The following RBM20 variants were observed in gnomAD, a reference collection of about 807,000 sequenced individuals.
The protein encoded by RBM20 is RNA-binding protein 20.
Under a neutral mutation model 110.1 loss-of-function variants are expected in RBM20, and 51 were observed. The observed-to-expected ratio is 0.46, with a 90% confidence interval of 0.37 to 0.59. The LOEUF (loss-of-function observed/expected upper bound fraction) is 0.59, where lower values mean the gene tolerates loss of function less well. RBM20 is among the 20% of genes least tolerant of loss of function. The pLI is 0.00. For synonymous variants in RBM20, 589 were observed against 618.2 expected (o/e 0.95, Z 0.70); for missense variants, 1,512 against 1,574.9 (o/e 0.96, Z 0.68).
intron 1 of RBM20, among the ~76,000 whole-genome samples, chr10:110,651,496 TAACA>T (rs1382142900): frequency 6.6e-6 from 1 of 152,236 alleles, no homozygotes; most frequent in Non-Finnish European, 1.5e-5. Flanking sequence ...ACATTTACTT[TAACA>T]AACTGAAAGT....
At chr10:110,802,296 C>G (rs896441033) in intron 7 of RBM20, among the ~76,000 whole-genome samples, 1 of 152,068 alleles carries the variant, frequency 6.6e-6, no homozygotes, top group African/African-American at 2.4e-5. Flanking sequence ...ACTGTGTCAA[C>G]CAGCTTCCAG....
chr10:110,682,525 T>C (rs762896411), intron 1 of RBM20, among the ~76,000 whole-genome samples: 2 of 152,218 alleles, frequency 1.3e-5, no homozygotes, highest in Non-Finnish European at 2.9e-5. Context: ...ACTTCATTTA[T>C]GGAAACGGGC....
In RBM20 at chr10:110,768,577, C is replaced by G. The variant is rs149814009; in HGVS notation, c.192-12224C>G. ...ATATACCATGTCCTTCACAAGGAAA[C>G]AGGGTATTCTGGTAAGATCTACATT... is the stretch of plus-strand genomic sequence containing the variant. On this transcript the variant is annotated intron_variant, in intron 1 of 13. Coordinates refer to ENST00000369519, the MANE Select transcript of RBM20 (RefSeq NM_001134363.3). 7.4e-3 allele frequency among the ~76,000 whole-genome samples: 1,119 copies of G among 152,224 alleles called. 7 individuals are homozygous for G. The highest frequency in any genetic ancestry group is 0.01 in the Middle Eastern group (3 of 294).
At chr10:110,653,328 C>T (rs1368341877) in intron 1 of RBM20, among the ~76,000 whole-genome samples, 1 of 152,124 alleles carries the variant, frequency 6.6e-6, no homozygotes, top group African/African-American at 2.4e-5. Flanking sequence ...AAAAGTAAAC[C>T]TTGCTTTGCG....
chr10:110,701,232 T>TA (rs1473449382), intron 1 of RBM20, among the ~76,000 whole-genome samples: 1 of 152,162 alleles, frequency 6.6e-6, no homozygotes, highest in African/African-American at 2.4e-5. Context: ...TTCTCAAAAT[T>TA]ACAGATTGTG....
intron 1 of RBM20, among the ~76,000 whole-genome samples, chr10:110,767,464 C>A (rs77965032): frequency 6.9e-6 from 1 of 144,112 alleles, no homozygotes; most frequent in African/African-American, 2.6e-5. Flanking sequence ...GGGTGGCTGC[C>A]GGGCGGAGGG....
intron 1 of RBM20, among the ~76,000 whole-genome samples, chr10:110,650,891 G>A (rs1326005760): frequency 3.3e-5 from 5 of 152,054 alleles, no homozygotes; most frequent in South Asian, 2.1e-4. Context: ...CTCCTCCTTT[G>A]GTTTATTTTG....
intron 1 of RBM20, among the ~76,000 whole-genome samples, chr10:110,669,304 AG>A (rs1862226640): frequency 6.6e-6 from 1 of 151,474 alleles, no homozygotes; most frequent in Non-Finnish European, 1.5e-5. Context: ...GTGGCGGGGT[AG>A]GGGGGACAGG....
At chr10:110,775,366 G>C (rs985990809) in intron 1 of RBM20, among the ~76,000 whole-genome samples, 1 of 152,216 alleles carries the variant, frequency 6.6e-6, no homozygotes, top group Admixed American at 6.5e-5. Context: ...GATGTGGCCG[G>C]TGCATGAGTT....
chr10:110,651,043 G>C (rs1296372731), intron 1 of RBM20, among the ~76,000 whole-genome samples: 1 of 152,140 alleles, frequency 6.6e-6, no homozygotes, highest in Non-Finnish European at 1.5e-5. Context: ...TCAGTGACCT[G>C]GACAAGCCAA....
chr10:110,766,965 A>G (rs1590664120), intron 1 of RBM20, among the ~76,000 whole-genome samples: 1 of 118,274 alleles, frequency 8.5e-6, no homozygotes, highest in Admixed American at 8.7e-5. Flanking sequence ...TGACCCCCCC[A>G]CCTCCCTCCC....
chr10:110,715,373 T>G (rs1042690515), intron 1 of RBM20, among the ~76,000 whole-genome samples: 10 of 152,278 alleles, frequency 6.6e-5, no homozygotes, highest in African/African-American at 2.4e-4. Flanking sequence ...CCATCTTGTG[T>G]CATCACACTG....
chr10:110,654,137 A>G (rs1485294593), intron 1 of RBM20, among the ~76,000 whole-genome samples: 3 of 152,336 alleles, frequency 2.0e-5, no homozygotes, highest in East Asian at 3.9e-4. Context: ...CTGAATATCT[A>G]TGTTCCAACA....
chr10:110,821,191 G>A lies in RBM20; in HGVS notation c.2656-84G>A, dbSNP rs1397513471. The A allele has an allele frequency of 2.8e-5, 32 of 1,125,446 alleles. 1 individual carries two copies. The South Asian group carries it at 3.7e-4, about 13-fold the overall frequency. The allele number at this position is 1,125,446 out of a possible 1,614,324, so 69.7% of individuals were successfully genotyped here. ...AGAATGCTCAGATTCTTCCTGATTT[G>A]AGTGGTCCTTATGGCCAAGTCTTGT... On this transcript the variant is annotated intron_variant, in intron 10 of 13. Coordinates refer to ENST00000369519, the MANE Select transcript of RBM20 (RefSeq NM_001134363.3).
In RBM20 at chr10:110,762,599, AATAGCAGATAC is replaced by A. The variant is rs1479544277; in HGVS notation, c.192-18200_192-18190del. On this transcript the variant is annotated intron_variant, in intron 1 of 13. Transcript: ENST00000369519. Reference sequence around the variant, plus strand: ...CAGTGTATCATGTTACGGAGCTCACAATAGCAGATACACAGCTCCGGCTGTACCAGGTGACA... The same window carrying A: ...CAGTGTATCATGTTACGGAGCTCACAACAGCTCCGGCTGTACCAGGTGACA... Among the ~76,000 whole-genome samples, 24 of 152,352 alleles carry A rather than the reference AATAGCAGATAC, an allele frequency of 1.6e-4. No homozygotes were observed. In the East Asian group the frequency reaches 2.5e-3, roughly 16 times the overall value.
intron 2 of RBM20, 62 bp from the exon 3 acceptor site, chr10:110,783,304 C>T (rs1844377849): frequency 7.6e-7 from 1 of 1,308,928 alleles, no homozygotes; most frequent in African/African-American, 1.5e-5. Flanking sequence ...TCTCTGTGCT[C>T]ATCCTTTGCC....
chr10:110,673,682 G>C (rs1414897457), intron 1 of RBM20, among the ~76,000 whole-genome samples: 1 of 152,212 alleles, frequency 6.6e-6, no homozygotes, highest in African/African-American at 2.4e-5. Context: ...TGAAGTCTGT[G>C]TGATCTGAAA....
chr10:110,797,457 G>GTTTT (rs1844564210), intron 5 of RBM20, 51 bp from the exon 6 acceptor site: 4 of 1,474,188 alleles, frequency 2.7e-6, no homozygotes, highest in Non-Finnish European at 3.6e-6. Context: ...GGAAGAGAGG[G>GTTTT]GAAAAGGGAA....
chr10:110,704,305 T>A (rs1338241906), intron 1 of RBM20, among the ~76,000 whole-genome samples: 3 of 152,200 alleles, frequency 2.0e-5, no homozygotes, highest in Non-Finnish European at 4.4e-5. Context: ...TTGAAGGATA[T>A]CTGGCATCTT....
Sources: gnomAD v4.1 joint callset for allele counts (sites outside exome capture counted in the v4.1 genomes callset) on GRCh38, gnomAD v4.1.1 for gene constraint, MANE v1.5 for transcripts, NCBI Gene and HGNC (gene_info 2026-07-23, HGNC 2026-07-21) for gene names.